The following RBFOX3 variants were observed in gnomAD, a reference collection of about 807,000 sequenced individuals.
The protein encoded by RBFOX3 is RNA binding fox-1 homolog 3, also known as RNA binding protein fox-1 homolog 3.
Under a neutral mutation model 48.7 loss-of-function variants are expected in RBFOX3, and 17 were observed. The ratio of observed to expected loss-of-function variants is 0.35; its 90% CI spans 0.24 to 0.52. The LOEUF is 0.52. Among genes scored for constraint, RBFOX3 ranks in the 20% least tolerant of loss-of-function variants. RBFOX3 has a pLI of 0.94. For synonymous variants in RBFOX3, 212 were observed against 209.5 expected (o/e 1.01, Z -0.10); for missense variants, 382 against 497.5 (o/e 0.77, Z 2.21).
At chr17:79,229,868 T>C (rs887861187) in intron 4 of RBFOX3, among the ~76,000 whole-genome samples, 1 of 152,208 alleles carries the variant, frequency 6.6e-6, no homozygotes, top group African/African-American at 2.4e-5. Flanking sequence ...ATCTGTAGAA[T>C]AGGGACACCA....
At chr17:79,257,771 G>T (rs1247542032) in intron 3 of RBFOX3, among the ~76,000 whole-genome samples, 1 of 152,042 alleles carries the variant, frequency 6.6e-6, no homozygotes, top group Non-Finnish European at 1.5e-5. Flanking sequence ...AGTAGAGACG[G>T]GGTTTCACCA....
At chr17:79,439,599 A>G (rs1379786619) in intron 2 of RBFOX3, among the ~76,000 whole-genome samples, 1 of 152,236 alleles carries the variant, frequency 6.6e-6, no homozygotes, top group Non-Finnish European at 1.5e-5. Context: ...CAGGCTCACA[A>G]GATGTGTATG....
chr17:79,460,191 A>G (rs938100512), intron 2 of RBFOX3, among the ~76,000 whole-genome samples: 22 of 152,186 alleles, frequency 1.4e-4, no homozygotes, highest in African/African-American at 4.6e-4. Context: ...ATGGTTGCAC[A>G]ATATTCTCAA....
chr17:79,294,788 C>A (rs1167644634), intron 3 of RBFOX3, among the ~76,000 whole-genome samples: 2 of 152,212 alleles, frequency 1.3e-5, no homozygotes, highest in African/African-American at 4.8e-5. Context: ...CATTTATCAC[C>A]TGGAAACAGC....
At chr17:79,538,992 C>A (rs139911262) in intron 1 of RBFOX3, among the ~76,000 whole-genome samples, 2 of 152,158 alleles carry the variant, frequency 1.3e-5, no homozygotes, top group African/African-American at 4.8e-5. Context: ...AATACTCCAC[C>A]TTCCTCAAGT....
upstream of RBFOX3, among the ~76,000 whole-genome samples, chr17:79,611,540 T>C (rs1224186027): frequency 3.3e-5 from 5 of 152,072 alleles, no homozygotes; most frequent in African/African-American, 1.2e-4. Flanking sequence ...CCAAGCTATC[T>C]TGGGGGCGGA....
At chr17:79,288,509 C>T (rs1475021784) in intron 3 of RBFOX3, among the ~76,000 whole-genome samples, 2 of 152,004 alleles carry the variant, frequency 1.3e-5, no homozygotes, top group Non-Finnish European at 2.9e-5. Context: ...GCCCCTCCAT[C>T]CTGGTCAGTC....
chr17:79,626,799 G>C, the RBFOX3 span, among the ~76,000 whole-genome samples: 3 of 152,216 alleles, frequency 2.0e-5, no homozygotes, highest in Non-Finnish European at 4.4e-5. Context: ...GGGGAGTCCC[G>C]AGAGAGAAGG....
At chr17:79,478,432 C>T (rs2078285630) in intron 2 of RBFOX3, among the ~76,000 whole-genome samples, 2 of 152,144 alleles carry the variant, frequency 1.3e-5, no homozygotes, top group Non-Finnish European at 2.9e-5. Flanking sequence ...TCACACTCAG[C>T]CCCATGGCAT....
intron 1 of RBFOX3, among the ~76,000 whole-genome samples, chr17:79,590,436 C>CA (rs1163139929): frequency 2.0e-5 from 3 of 152,192 alleles, no homozygotes; most frequent in South Asian, 2.1e-4. Flanking sequence ...ATTCTTCACA[C>CA]AAAAAAGCTT....
chr17:79,325,224 C>T (rs1327261564), intron 2 of RBFOX3, among the ~76,000 whole-genome samples: 1 of 152,180 alleles, frequency 6.6e-6, no homozygotes, highest in Non-Finnish European at 1.5e-5. Flanking sequence ...CCCTTTGCAT[C>T]CCCAGCCCCC....
chr17:79,403,326 C>T (rs1040190382), intron 2 of RBFOX3, among the ~76,000 whole-genome samples: 1 of 152,174 alleles, frequency 6.6e-6, no homozygotes, highest in Admixed American at 6.5e-5. Context: ...GGCCAGGTCC[C>T]GGCAGCAGGG....
chr17:79,475,186 A>C (rs971806449), intron 2 of RBFOX3, among the ~76,000 whole-genome samples: 78 of 152,164 alleles, frequency 5.1e-4, no homozygotes, highest in African/African-American at 1.8e-3. Context: ...ATCTCAGCTC[A>C]TCGTTCCAGG....
rs2031384785 is a variant in RBFOX3 at position 79,111,346 on chromosome 17, G to A, written c.222+4148C>T. Among the ~76,000 whole-genome samples the A allele has an allele frequency of 6.6e-6, 1 of 152,152 alleles. No homozygotes were observed. Among genetic ancestry groups the A allele is most frequent in the South Asian group, 2.1e-4 (1 of 4,830 alleles). On this transcript the variant is annotated intron_variant, in intron 5 of 14. Transcript: ENST00000693108. The surrounding 1 kb of genome is among the most constrained non-coding windows in gnomAD (Gnocchi z 4.2). ...GGTGGAGGAGCCCACGTGGGCTCTG[G>A]AAAACACCAGTCTCATCCCGTCTCC...
chr17:79,387,542 G>A (rs1010747986), intron 2 of RBFOX3, among the ~76,000 whole-genome samples: 7 of 152,214 alleles, frequency 4.6e-5, no homozygotes, highest in South Asian at 2.1e-4. Context: ...GGTACCGCCC[G>A]CATGGGCTGG....
At chr17:79,483,897 G>T (rs1437072052) in intron 1 of RBFOX3, among the ~76,000 whole-genome samples, 1 of 152,212 alleles carries the variant, frequency 6.6e-6, no homozygotes, top group Non-Finnish European at 1.5e-5. Context: ...GATATGGAGG[G>T]GACTGAAGGA....
In RBFOX3 at chr17:79,249,256, G is replaced by A. The variant is rs889085499; in HGVS notation, c.-73-13451C>T. Among the ~76,000 whole-genome samples, 1 of 152,174 alleles carries A rather than the reference G, an allele frequency of 6.6e-6. No individual in the cohort carries two copies. The highest frequency in any genetic ancestry group is 1.5e-5 in the Non-Finnish European group (1 of 68,038). On this transcript the variant is annotated intron_variant, in intron 3 of 14. Transcript: ENST00000693108. This position sits in a 1 kb window ranked among gnomAD's most constrained non-coding sequence, Gnocchi z 4.1. ...GTCTTCAAAGCCACCGTTTGTGCTTGGGCTGCGGATTCTGGCTAGTGAGAT... is the reference window on the plus strand; with the variant it reads ...GTCTTCAAAGCCACCGTTTGTGCTTAGGCTGCGGATTCTGGCTAGTGAGAT...
At chr17:79,216,559 G>T (rs2059079242) in intron 4 of RBFOX3, among the ~76,000 whole-genome samples, 1 of 152,146 alleles carries the variant, frequency 6.6e-6, no homozygotes, top group Admixed American at 6.5e-5. Flanking sequence ...CCAGTCTCCT[G>T]CAGGAAGGAA....
chr17:79,424,765 G>A (rs1301299700), intron 2 of RBFOX3, among the ~76,000 whole-genome samples: 3 of 152,156 alleles, frequency 2.0e-5, no homozygotes, highest in Non-Finnish European at 2.9e-5. Context: ...GTCCTTCCTG[G>A]GGTCATCCCT....
Sources: gnomAD v4.1 joint callset for allele counts (sites outside exome capture counted in the v4.1 genomes callset) on GRCh38, gnomAD v4.1.1 for gene constraint, Gnocchi (gnomAD v3.1) non-coding constraint, MANE v1.5 for transcripts, NCBI Gene and HGNC (gene_info 2026-07-23, HGNC 2026-07-21) for gene names.